GSK3B: variants seen among roughly 807,000 people sequenced by gnomAD.
The protein encoded by GSK3B is glycogen synthase kinase 3 beta, also known as glycogen synthase kinase-3 beta.
Under a neutral mutation model 56.4 loss-of-function variants are expected in GSK3B, and 15 were observed. The observed-to-expected ratio is 0.27, with a 90% CI of 0.18 to 0.41. The LOEUF (loss-of-function observed/expected upper bound fraction) is 0.41. Ranked by LOEUF, GSK3B falls within the 10% of genes least tolerant of loss-of-function variation. GSK3B has a pLI of 1.00. For missense variants in GSK3B, 300 were observed against 513.4 expected, an observed-to-expected ratio of 0.58 and a Z score of 4.02; for synonymous variants, 181 against 188.9, an observed-to-expected ratio of 0.96 and a Z score of 0.34.
chr3:119,898,008 C>A (rs1020455451), intron 7 of GSK3B, among the ~76,000 whole-genome samples: 1 of 152,016 alleles, frequency 6.6e-6, no homozygotes, highest in Admixed American at 6.6e-5. Flanking sequence ...CATATCATGG[C>A]AAACCCATAC....
chr3:120,063,460 C>T (rs1337998130), intron 1 of GSK3B, among the ~76,000 whole-genome samples: 15 of 152,158 alleles, frequency 9.9e-5, no homozygotes, highest in Admixed American at 9.2e-4. Flanking sequence ...GGTGCAGTGG[C>T]TCACACCTGT....
At chr3:120,080,618 G>T (rs937990162) in intron 1 of GSK3B, among the ~76,000 whole-genome samples, 16 of 152,002 alleles carry the variant, frequency 1.1e-4, no homozygotes, top group African/African-American at 3.6e-4. Context: ...ATCATTTGAG[G>T]ACAGGAGTTT....
intron 2 of GSK3B, among the ~76,000 whole-genome samples, chr3:119,959,492 CTCTT>C (rs1405312553): frequency 5.4e-5 from 8 of 148,646 alleles, no homozygotes; most frequent in African/African-American, 1.0e-4. Flanking sequence ...GTCTTGATTC[CTCTT>C]TCTCTCTGAC....
chr3:119,891,605 A>C (rs2056502890), intron 7 of GSK3B, among the ~76,000 whole-genome samples: 1 of 152,118 alleles, frequency 6.6e-6, no homozygotes, highest in African/African-American at 2.4e-5. Flanking sequence ...TAAGAGATGG[A>C]AATTTTTTTT....
At chr3:119,991,510 CA>C (rs61063108) in intron 2 of GSK3B, among the ~76,000 whole-genome samples, 20,237 of 78,838 alleles carry the variant, frequency 0.26, 994 homozygotes, top group African/African-American at 0.32. Context: ...TACTATTCAC[CA>C]AAAAAAAAAA....
chr3:119,967,819 T>TCCC, intron 2 of GSK3B, among the ~76,000 whole-genome samples: 2 of 104,842 alleles, frequency 1.9e-5, no homozygotes, highest in Non-Finnish European at 3.8e-5. Flanking sequence ...CCTCCCTCCC[T>TCCC]TTCTCTCTTT....
chr3:120,067,245 A>T (rs1398632653), intron 1 of GSK3B, among the ~76,000 whole-genome samples: 1 of 152,084 alleles, frequency 6.6e-6, no homozygotes, highest in Non-Finnish European at 1.5e-5. Context: ...TCAAAAAAAA[A>T]AAAAAAAGAG....
At chr3:119,933,951 A>C (rs2056970628) in intron 3 of GSK3B, among the ~76,000 whole-genome samples, 1 of 152,226 alleles carries the variant, frequency 6.6e-6, no homozygotes, top group Non-Finnish European at 1.5e-5. Flanking sequence ...CAGAACTCCC[A>C]GTGGCCAAAC....
intron 2 of GSK3B, among the ~76,000 whole-genome samples, chr3:119,979,794 C>A (rs920224254): frequency 1.3e-5 from 2 of 152,046 alleles, no homozygotes; most frequent in Admixed American, 1.3e-4. Flanking sequence ...GAAAAGGCAC[C>A]ACAAATCCCA....
At chr3:119,948,147 A>G (rs1172740050) in intron 2 of GSK3B, among the ~76,000 whole-genome samples, 2 of 152,124 alleles carry the variant, frequency 1.3e-5, no homozygotes, top group Non-Finnish European at 2.9e-5. Flanking sequence ...AACACACAGA[A>G]GCAATACCAA....
At chr3:119,877,457 T>C (rs1471226545) in intron 7 of GSK3B, among the ~76,000 whole-genome samples, 1 of 152,216 alleles carries the variant, frequency 6.6e-6, no homozygotes, top group Non-Finnish European at 1.5e-5. Flanking sequence ...TTAAGTTGTA[T>C]ATTATTCTTC....
chr3:120,054,204 T>C lies in GSK3B; in HGVS notation c.88+39143A>G, dbSNP rs147612198. Among the ~76,000 whole-genome samples the C allele has an allele frequency of 6.5e-3, 993 of 152,342 alleles. 8 individuals are homozygous for C. The highest frequency in any genetic ancestry group is 0.021 in the African/African-American group (875 of 41,586). On this transcript the variant is annotated intron_variant, in intron 1 of 10. Transcript: ENST00000264235. ...GAAAGTTCAAGATGATGGTATTTTA[T>C]CCTTAGTTCAATCTCTCATTCCCTC... is the stretch of plus-strand genomic sequence containing the variant.
At chr3:120,090,026 C>A (rs541406857) in intron 1 of GSK3B, among the ~76,000 whole-genome samples, 2 of 151,858 alleles carry the variant, frequency 1.3e-5, no homozygotes, top group African/African-American at 4.8e-5. Context: ...ATACTTTATT[C>A]TTAGATAAAT....
chr3:119,997,944 C>A (rs1291313343), intron 2 of GSK3B, among the ~76,000 whole-genome samples: 1 of 152,056 alleles, frequency 6.6e-6, no homozygotes, highest in Non-Finnish European at 1.5e-5. Context: ...CAAAATATAA[C>A]CCCAGAAAAA....
chr3:119,888,509 C>T (rs549470035), intron 7 of GSK3B, among the ~76,000 whole-genome samples: 1 of 152,152 alleles, frequency 6.6e-6, no homozygotes, highest in East Asian at 1.9e-4. Flanking sequence ...ATCCTGTTAT[C>T]TTCATAAGCT....
chr3:119,942,466 T>C (rs947871122), intron 3 of GSK3B, among the ~76,000 whole-genome samples: 5 of 152,078 alleles, frequency 3.3e-5, no homozygotes, highest in Non-Finnish European at 7.4e-5. Flanking sequence ...ACCCAGATAA[T>C]TTTTTGTATT....
At chr3:119,974,884 C>T (rs185746286) in intron 2 of GSK3B, among the ~76,000 whole-genome samples, 4 of 152,184 alleles carry the variant, frequency 2.6e-5, no homozygotes, top group East Asian at 1.9e-4. Context: ...GGTGGGAATA[C>T]GAAATTATTT....
At chr3:119,827,608 A>AATAG (rs1553721502) in intron 10 of GSK3B, among the ~76,000 whole-genome samples, 1 of 94,628 alleles carries the variant, frequency 1.1e-5, no homozygotes, top group Non-Finnish European at 2.1e-5. Flanking sequence ...AAAAAAAAAA[A>AATAG]AGAGAGAGAG....
At position 119,822,035 on chromosome 3, in the gene GSK3B, T is replaced by C. The variant is rs181430681; in HGVS notation, c.*4753A>G. 1.3e-4 allele frequency: 25 copies of C among 193,794 alleles called. No individual in the cohort carries two copies. Among genetic ancestry groups the C allele is most frequent in the Non-Finnish European group, 2.1e-4 (20 of 93,516 alleles). 12.0% of individuals were successfully genotyped at this position (193,794 alleles called of 1,614,324 possible). ...TTAACTATTTCCAAACCAAGTCACATAGAACAAAATGTATTTACAAGGGAA... is the reference window on the plus strand; with the variant it reads ...TTAACTATTTCCAAACCAAGTCACACAGAACAAAATGTATTTACAAGGGAA... On this transcript the variant is annotated 3_prime_UTR_variant, in exon 11 of 11. Coordinates refer to ENST00000264235, the MANE Select transcript of GSK3B (RefSeq NM_001146156.2).
Sources: allele counts gnomAD v4.1 joint callset (sites outside exome capture counted in the v4.1 genomes callset), GRCh38; gene constraint gnomAD v4.1.1; transcripts MANE v1.5; gene names NCBI Gene and HGNC (gene_info 2026-07-23, HGNC 2026-07-21).